ENPP1: variants seen among roughly 807,000 people sequenced by gnomAD.
ENPP1 encodes ectonucleotide pyrophosphatase/phosphodiesterase 1.
ENPP1 carries 73 observed loss-of-function variants against 122.8 expected under a neutral mutation model. That is an observed-to-expected ratio of 0.59 (90% CI 0.49 to 0.72). The LOEUF (loss-of-function observed/expected upper bound fraction) is 0.72. Ranked by LOEUF, ENPP1 falls within the 30% of genes least tolerant of loss-of-function variation. ENPP1 has a pLI of 0.00. For missense variants in ENPP1, 978 were observed against 1,128.1 expected (o/e 0.87, Z 1.91); for synonymous variants, 367 against 391.6 (o/e 0.94, Z 0.74).
chr6:131,836,765 T>C (rs748025795), intron 1 of ENPP1, among the ~76,000 whole-genome samples: 1 of 152,178 alleles, frequency 6.6e-6, no homozygotes, highest in Non-Finnish European at 1.5e-5. Flanking sequence ...TGAAGCATGT[T>C]TTTGTGGACT....
rs1782460450 is a variant in ENPP1 at position 131,890,887 on chromosome 6, G to A, written c.*376G>A. The A allele has an allele frequency of 4.2e-6, 1 of 237,388 alleles. No homozygotes were observed. The highest frequency in any genetic ancestry group is 2.3e-5 in the African/African-American group (1 of 44,008). 14.7% of individuals were successfully genotyped at this position (237,388 alleles called of 1,614,324 possible). A position where few individuals can be genotyped will look rare whatever the true frequency, so the allele number is the denominator to read the frequency against. On this transcript the variant is annotated 3_prime_UTR_variant, in exon 25 of 25. Transcript: ENST00000647893. ...CCTTGATGGCATTGGGCAAACAGTA[G>A]ACTTATAGTAGGGTTGGGGTAGCCC...
intron 1 of ENPP1, chr6:131,827,953 A>T: frequency 1.1e-6 from 1 of 882,498 alleles, no homozygotes. Context: ...CTTATAAAGG[A>T]TGGCCACAAA....
chr6:131,814,563 TG>T (rs1781393318), intron 1 of ENPP1, among the ~76,000 whole-genome samples: 1 of 152,184 alleles, frequency 6.6e-6, no homozygotes, highest in South Asian at 2.1e-4. Context: ...GAGATTTGGG[TG>T]TAAAAATTAT....
chr6:131,866,587 A>G (rs1447056618), intron 11 of ENPP1, among the ~76,000 whole-genome samples: 4 of 152,122 alleles, frequency 2.6e-5, no homozygotes, highest in Non-Finnish European at 4.4e-5. Context: ...ATCACCTTGG[A>G]TAAAAGAGAG....
At chr6:131,858,163 G>A (rs962842095) in intron 6 of ENPP1, among the ~76,000 whole-genome samples, 7 of 152,112 alleles carry the variant, frequency 4.6e-5, no homozygotes, top group Non-Finnish European at 1.0e-4. Flanking sequence ...AGGAATAGTC[G>A]GACTTCTGCA....
rs967737484 is a variant in ENPP1, at chr6:131,893,312, G to A, written c.*2801G>A. The A allele has an allele frequency of 6.6e-6, 1 of 152,232 alleles. No individual in the cohort carries two copies. 9.4% of individuals were successfully genotyped at this position (152,232 alleles called of 1,614,324 possible). ...GTCTTAGGGAGAAGAGACAGCAGAAGTGTAAATGATCCCTAAAGAGTGATA... is the reference window on the plus strand; with the variant it reads ...GTCTTAGGGAGAAGAGACAGCAGAAATGTAAATGATCCCTAAAGAGTGATA... On this transcript the variant is annotated 3_prime_UTR_variant, in exon 25 of 25. Transcript: ENST00000647893.
intron 24 of ENPP1, among the ~76,000 whole-genome samples, chr6:131,889,969 T>A (rs1250338802): frequency 2.0e-5 from 3 of 150,020 alleles, no homozygotes; most frequent in African/African-American, 7.3e-5. Flanking sequence ...GTTTTTTGAC[T>A]TTTTAATAAT....
chr6:131,861,801 G>A (rs972446302), intron 9 of ENPP1, 97 bp downstream of exon 9: 1 of 752,378 alleles, frequency 1.3e-6, no homozygotes, highest in Non-Finnish European at 2.4e-6. Context: ...GCATTTGAGT[G>A]ATATGTTGGC....
intron 5 of ENPP1, among the ~76,000 whole-genome samples, chr6:131,853,686 G>C (rs1781908330): frequency 6.6e-6 from 1 of 152,080 alleles, no homozygotes; most frequent in East Asian, 1.9e-4. Flanking sequence ...GGGTAAGGTG[G>C]GAGGAGGCAG....
At position 131,827,766 on chromosome 6, in the gene ENPP1, A is replaced by G. The variant is rs572318479; in HGVS notation, c.240+19491A>G. 15 of 756,704 alleles carry G rather than the reference A, an allele frequency of 2.0e-5. No individual in the cohort carries two copies. In the East Asian group the frequency reaches 3.6e-4, roughly 18 times the overall value. The allele number at this position is 756,704 out of a possible 1,614,324, so 46.9% of individuals were successfully genotyped here. A position where few individuals can be genotyped will look rare whatever the true frequency, so the allele number is the denominator to read the frequency against. ...GGCCACTGGAAGTTGGGCTTTCTAT[A>G]CCAGCTGACTCCAAAGCCCGCTGCA... On this transcript the variant is annotated intron_variant, in intron 1 of 24. Transcript: ENST00000647893.
In ENPP1 at chr6:131,892,148, G is replaced by C. The variant is rs1782479284; in HGVS notation, c.*1637G>C. ...CACCTCATTGTTTGCATCTACTGAT[G>C]GTCTTTTTTCCATTCGGAAACATTT... On this transcript the variant is annotated 3_prime_UTR_variant, in exon 25 of 25. Transcript: ENST00000647893. The C allele has an allele frequency of 6.6e-6, 1 of 151,740 alleles. No individual in the cohort carries two copies. The allele number at this position is 151,740 out of a possible 1,614,324, so 9.4% of individuals were successfully genotyped here. A position where few individuals can be genotyped will look rare whatever the true frequency, so the allele number is the denominator to read the frequency against.
At chr6:131,820,965 A>G (rs926392127) in intron 1 of ENPP1, among the ~76,000 whole-genome samples, 10 of 152,222 alleles carry the variant, frequency 6.6e-5, no homozygotes, top group African/African-American at 2.4e-4. Flanking sequence ...AATGTGTACA[A>G]AATGGTGCAT....
chr6:131,826,719 T>C, intron 1 of ENPP1: 2 of 541,538 alleles, frequency 3.7e-6, no homozygotes, highest in Non-Finnish European at 6.7e-6. Context: ...AGGCAAGAGG[T>C]CTGCAATGAC....
intron 1 of ENPP1, among the ~76,000 whole-genome samples, chr6:131,810,588 G>C (rs1431845904): frequency 6.6e-6 from 1 of 152,034 alleles, no homozygotes; most frequent in Non-Finnish European, 1.5e-5. Context: ...TTTGTTTTCA[G>C]ATTAAACCTC....
At chr6:131,872,589 C>T (rs564452894) in intron 14 of ENPP1, among the ~76,000 whole-genome samples, 1 of 152,144 alleles carries the variant, frequency 6.6e-6, no homozygotes, top group East Asian at 1.9e-4. Context: ...TTAGTGGTAA[C>T]TTGAATATAA....
chr6:131,882,130 G>A lies in ENPP1; in HGVS notation c.2101-215G>A, dbSNP rs148418203. Reference sequence around the variant, plus strand: ...AGCATAGCAGAATCTGAAAATATTTGCATAAATATGACAATTAATATCTTT... The same window carrying A: ...AGCATAGCAGAATCTGAAAATATTTACATAAATATGACAATTAATATCTTT... On this transcript the variant is annotated intron_variant, in intron 20 of 24. Transcript: ENST00000647893. Among the ~76,000 whole-genome samples the A allele has an allele frequency of 0.015, 2,351 of 151,772 alleles. 28 individuals are homozygous for A. The highest frequency in any genetic ancestry group is 0.024 in the Non-Finnish European group (1,621 of 67,928).
chr6:131,885,399 A>G (rs1406449323), intron 23 of ENPP1, among the ~76,000 whole-genome samples: 16 of 152,190 alleles, frequency 1.1e-4, no homozygotes, highest in Admixed American at 1.0e-3. Flanking sequence ...TCAGAAGATG[A>G]AGAACTCTAT....
chr6:131,846,100 C>G (rs113165189), intron 1 of ENPP1, among the ~76,000 whole-genome samples: 4 of 152,112 alleles, frequency 2.6e-5, no homozygotes, highest in African/African-American at 9.7e-5. Flanking sequence ...GTAGGCACCT[C>G]GAGAGCAGAG....
At chr6:131,873,162 C>G in intron 15 of ENPP1, 112 bp downstream of exon 15, 1 of 1,209,210 alleles carries the variant, frequency 8.3e-7, no homozygotes, top group Non-Finnish European at 1.2e-6. Flanking sequence ...AAGTATGATT[C>G]TCTTCACTCT....
Sources: gnomAD v4.1 joint callset for allele counts (sites outside exome capture counted in the v4.1 genomes callset) on GRCh38, gnomAD v4.1.1 for gene constraint, MANE v1.5 for transcripts, NCBI Gene and HGNC (gene_info 2026-07-23, HGNC 2026-07-21) for gene names.